PRKAR2A: variants seen among roughly 807,000 people sequenced by gnomAD.
PRKAR2A encodes protein kinase cAMP-dependent type II regulatory subunit alpha.
In PRKAR2A, 29 loss-of-function variants were observed where a neutral mutation model predicts 51.9. That is an observed-to-expected ratio of 0.56 (90% CI 0.42 to 0.76). The LOEUF is 0.76. Ranked by LOEUF, PRKAR2A falls within the 30% of genes least tolerant of loss-of-function variation. The pLI, the probability that PRKAR2A is intolerant of heterozygous loss-of-function variation, is 0.00. For missense variants in PRKAR2A, 445 were observed against 512.1 expected (o/e 0.87, Z 1.26); for synonymous variants, 178 against 186.2 (o/e 0.96, Z 0.36).
intron 1 of PRKAR2A, among the ~76,000 whole-genome samples, chr3:48,835,501 C>T (rs1292328263): frequency 4.0e-5 from 6 of 151,742 alleles, no homozygotes; most frequent in East Asian, 3.9e-4. Flanking sequence ...ATTAGGCGGG[C>T]GTGGTGGCAG....
At chr3:48,786,253 T>C (rs556997684) in intron 4 of PRKAR2A, among the ~76,000 whole-genome samples, 4 of 150,218 alleles carry the variant, frequency 2.7e-5, no homozygotes, top group Non-Finnish European at 4.4e-5. Context: ...GCCTCCCGAG[T>C]AGCTGAGATT....
chr3:48,758,075 T>A (rs1559602117), intron 8 of PRKAR2A, among the ~76,000 whole-genome samples: 1 of 150,466 alleles, frequency 6.6e-6, no homozygotes, highest in Admixed American at 6.7e-5. Context: ...ATAAAATACA[T>A]ACATGCATAC....
intron 10 of PRKAR2A, 90 bp from the exon 11 acceptor site, chr3:48,751,808 A>G: frequency 6.8e-7 from 1 of 1,466,706 alleles, no homozygotes; most frequent in Non-Finnish European, 9.2e-7. Flanking sequence ...TTCATGTTGT[A>G]TGAGATTACG....
In PRKAR2A at chr3:48,752,328, C is replaced by T; in HGVS notation, c.940-11G>A. On this transcript the variant is annotated splice_polypyrimidine_tract_variant and intron_variant, in intron 9 of 10. Coordinates refer to ENST00000265563, the MANE Select transcript of PRKAR2A (RefSeq NM_004157.4). ...CTTGTTTGATTTAGTCTACAGCAGG[C>T]AAAGAACATGACCTAGGCTGACTCC... 6.2e-7 allele frequency: 1 copy of T among 1,612,444 alleles called. No homozygotes were observed. Among genetic ancestry groups the T allele is most frequent in the East Asian group, 2.2e-5 (1 of 44,872 alleles).
intron 9 of PRKAR2A, among the ~76,000 whole-genome samples, chr3:48,753,003 G>A (rs895699049): frequency 6.7e-5 from 8 of 119,340 alleles, no homozygotes; most frequent in Admixed American, 3.6e-4. Context: ...CGCAATATCC[G>A]CTCACTTCAA....
intron 4 of PRKAR2A, 113 bp downstream of exon 4, chr3:48,790,431 G>A (rs1382354064): frequency 7.8e-6 from 5 of 639,786 alleles, no homozygotes; most frequent in Non-Finnish European, 1.3e-5. Context: ...TGAATCTAAG[G>A]TTTTATGCTT....
chr3:48,779,459 G>A (rs1452930020), intron 5 of PRKAR2A, among the ~76,000 whole-genome samples: 2 of 152,024 alleles, frequency 1.3e-5, no homozygotes, highest in Admixed American at 1.3e-4. Context: ...AAAGGTGGCT[G>A]CTGGAGGTGG....
intron 5 of PRKAR2A, among the ~76,000 whole-genome samples, chr3:48,779,817 AAATAAATAAAT>A (rs1371889680): frequency 6.7e-6 from 1 of 148,460 alleles, no homozygotes; most frequent in East Asian, 1.9e-4. Flanking sequence ...ATAAATAAAT[AAATAAATAAAT>A]AAAATATATA....
Position 48,751,491 on chromosome 3 carries a change from GGAACA to G in PRKAR2A, c.*89_*93del, listed in dbSNP as rs1246074409. 1.3e-6 allele frequency: 2 copies of G among 1,555,392 alleles called. No individual in the cohort carries two copies. Among genetic ancestry groups the G allele is most frequent in the East Asian group, 4.6e-5 (2 of 43,630 alleles). On this transcript the variant is annotated 3_prime_UTR_variant, in exon 11 of 11. Coordinates refer to ENST00000265563, the MANE Select transcript of PRKAR2A (RefSeq NM_004157.4). ...AATGGCAGCAGTGGCGGCAACGGCAGGAACAGTTCTGTCATGTCTGTTTTCTGTAT... is the reference window on the plus strand; with the variant it reads ...AATGGCAGCAGTGGCGGCAACGGCAGGTTCTGTCATGTCTGTTTTCTGTAT...
At chr3:48,844,087 T>C (rs988407443) in intron 1 of PRKAR2A, among the ~76,000 whole-genome samples, 1 of 151,732 alleles carries the variant, frequency 6.6e-6, no homozygotes, top group African/African-American at 2.4e-5. Flanking sequence ...AACCTACTCA[T>C]CTGACAAAGG....
At chr3:48,782,147 G>C (rs1481708617) in intron 5 of PRKAR2A, among the ~76,000 whole-genome samples, 4 of 152,136 alleles carry the variant, frequency 2.6e-5, no homozygotes, top group African/African-American at 4.8e-5. Flanking sequence ...GAGATCAGAA[G>C]GACACCCACC....
At chr3:48,776,988 G>A (rs1423219896) in intron 5 of PRKAR2A, among the ~76,000 whole-genome samples, 1 of 152,100 alleles carries the variant, frequency 6.6e-6, no homozygotes, top group Admixed American at 6.6e-5. Flanking sequence ...TTTGATTGTT[G>A]ACAGCTTTCA....
chr3:48,807,542 A>T, intron 2 of PRKAR2A, 107 bp downstream of exon 2: 1 of 912,018 alleles, frequency 1.1e-6, no homozygotes, highest in Non-Finnish European at 1.7e-6. Context: ...CTTTTAGATA[A>T]TGTTCTGTGA....
intron 5 of PRKAR2A, among the ~76,000 whole-genome samples, chr3:48,781,412 G>A (rs151019445): frequency 0.019 from 2,839 of 151,748 alleles, 93 homozygotes; most frequent in African/African-American, 0.064. Context: ...CGCTATCTTG[G>A]CTCACTGTAA....
intron 6 of PRKAR2A, among the ~76,000 whole-genome samples, chr3:48,766,048 C>T (rs975943535): frequency 1.1e-4 from 17 of 152,014 alleles, no homozygotes; most frequent in Admixed American, 6.6e-4. Context: ...TGGTGAAACA[C>T]GCTCTCTACG....
chr3:48,817,631 G>A (rs1386390257), intron 1 of PRKAR2A, among the ~76,000 whole-genome samples: 1 of 148,480 alleles, frequency 6.7e-6, no homozygotes, highest in African/African-American at 2.5e-5. Flanking sequence ...TGGGCAACAG[G>A]AACGAAACTC....
chr3:48,751,550 G>C lies in PRKAR2A; in HGVS notation c.*35C>G. 1 of 1,604,068 alleles carries C rather than the reference G, an allele frequency of 6.2e-7. No individual in the cohort carries two copies. Among genetic ancestry groups the C allele is most frequent in the Non-Finnish European group, 8.5e-7 (1 of 1,173,064 alleles). Reference sequence around the variant, plus strand: ...TTCTGTGGCTGACCAGAAGGTTTTGGTGTCACACTAAGAAGGCTCTGGGGT... The same window carrying C: ...TTCTGTGGCTGACCAGAAGGTTTTGCTGTCACACTAAGAAGGCTCTGGGGT... On this transcript the variant is annotated 3_prime_UTR_variant, in exon 11 of 11. Transcript: ENST00000265563.
chr3:48,830,238 A>G (rs1304787978), intron 1 of PRKAR2A, among the ~76,000 whole-genome samples: 1 of 152,028 alleles, frequency 6.6e-6, no homozygotes, highest in African/African-American at 2.4e-5. Context: ...AAATGCATAC[A>G]TTAGACTAGT....
intron 5 of PRKAR2A, among the ~76,000 whole-genome samples, chr3:48,780,136 C>T (rs1286007496): frequency 2.0e-5 from 3 of 148,040 alleles, no homozygotes; most frequent in East Asian, 2.0e-4. Flanking sequence ...TCCAGCCTTG[C>T]GACAGAGTGA....
Sources: allele counts gnomAD v4.1 joint callset (sites outside exome capture counted in the v4.1 genomes callset), GRCh38; gene constraint gnomAD v4.1.1; transcripts MANE v1.5; gene names NCBI Gene and HGNC (gene_info 2026-07-23, HGNC 2026-07-21).